The following ELP4 variants were observed in gnomAD, a reference collection of about 807,000 sequenced individuals.
ELP4 encodes elongator complex protein 4.
In ELP4, 51 loss-of-function variants were observed where a neutral mutation model predicts 48.9. The observed-to-expected ratio is 1.04, with a 90% CI of 0.83 to 1.32. ELP4 has a LOEUF of 1.32. ELP4 is among the 40% of genes most tolerant of loss of function. The pLI, the probability that ELP4 is intolerant of heterozygous loss-of-function variation, is 0.00. For missense variants in ELP4, 519 were observed against 514.6 expected, an observed-to-expected ratio of 1.01 and a Z score of -0.08; for synonymous variants, 210 against 189.2, an observed-to-expected ratio of 1.11 and a Z score of -0.90.
intron 2 of ELP4, 142 bp from the exon 3 acceptor site, chr11:31,539,520 A>G: frequency 2.9e-6 from 2 of 680,318 alleles, no homozygotes; most frequent in Admixed American, 3.3e-5. Flanking sequence ...TCTATGCCTC[A>G]GGAATACGCA....
At chr11:31,573,278 A>G (rs1354277822) in intron 3 of ELP4, among the ~76,000 whole-genome samples, 2 of 152,084 alleles carry the variant, frequency 1.3e-5, no homozygotes, top group African/African-American at 4.8e-5. Flanking sequence ...TCTTTAGCAT[A>G]TACCTCAAAA....
intron 3 of ELP4, among the ~76,000 whole-genome samples, chr11:31,564,836 C>CAT (rs1439704284): frequency 6.6e-6 from 1 of 151,870 alleles, no homozygotes; most frequent in East Asian, 1.9e-4. Flanking sequence ...CCACAATAAA[C>CAT]ATGTGTGCCT....
intron 9 of ELP4, among the ~76,000 whole-genome samples, chr11:31,702,298 G>A (rs11031453): frequency 0.62 from 92,014 of 148,482 alleles, 31,661 homozygotes; most frequent in Non-Finnish European, 0.76. Flanking sequence ...GCGAGATCTT[G>A]TCTCTAAAAA....
At chr11:31,584,718 T>C (rs1228813218) in intron 3 of ELP4, among the ~76,000 whole-genome samples, 4 of 152,086 alleles carry the variant, frequency 2.6e-5, no homozygotes, top group African/African-American at 7.2e-5. Context: ...AGAGACGGGG[T>C]TTCGCCGTGT....
chr11:31,523,024 ATT>A (rs1333354173), intron 2 of ELP4, among the ~76,000 whole-genome samples: 3 of 148,008 alleles, frequency 2.0e-5, no homozygotes, highest in African/African-American at 7.4e-5. Context: ...TGCCCTGCTA[ATT>A]TTTTATTTAT....
chr11:31,643,650 A>G (rs1323867357), intron 7 of ELP4, among the ~76,000 whole-genome samples: 1 of 151,876 alleles, frequency 6.6e-6, no homozygotes, highest in African/African-American at 2.4e-5. Context: ...AACAAAATTC[A>G]TAGTTTTGAC....
intron 2 of ELP4, among the ~76,000 whole-genome samples, chr11:31,522,859 CTTTT>C (rs1161716080): frequency 7.2e-6 from 1 of 138,014 alleles, no homozygotes; most frequent in Non-Finnish European, 1.6e-5. Flanking sequence ...AAGTTCTCCA[CTTTT>C]TTTTTTTTTT....
chr11:31,775,568 C>G (rs1220406648), intron 9 of ELP4, among the ~76,000 whole-genome samples: 2 of 152,186 alleles, frequency 1.3e-5, no homozygotes, highest in Non-Finnish European at 2.9e-5. Context: ...GACGTGGTAA[C>G]TGACGCCTGT....
chr11:31,654,642 G>A (rs887933403), intron 9 of ELP4: 12 of 151,736 alleles, frequency 7.9e-5, no homozygotes, highest in African/African-American at 2.9e-4. Flanking sequence ...TATTGGAAAA[G>A]CATAAACTCT....
chr11:31,527,827 T>G (rs1956322751), intron 2 of ELP4, among the ~76,000 whole-genome samples: 1 of 152,090 alleles, frequency 6.6e-6, no homozygotes, highest in African/African-American at 2.4e-5. Flanking sequence ...TAACATAAGA[T>G]CTAAGCTCCT....
chr11:31,707,039 C>T (rs1411276884), intron 9 of ELP4: 4 of 398,174 alleles, frequency 1.0e-5, no homozygotes, highest in Non-Finnish European at 1.8e-5. Flanking sequence ...CTGCAGTAGA[C>T]GTGGATGTCC....
intron 9 of ELP4, among the ~76,000 whole-genome samples, chr11:31,783,090 C>T (rs1238630733): frequency 6.6e-6 from 1 of 152,160 alleles, no homozygotes; most frequent in East Asian, 1.9e-4. Flanking sequence ...TATGTGTTTA[C>T]ATGTGTTCAC....
intron 2 of ELP4, among the ~76,000 whole-genome samples, chr11:31,521,500 T>C (rs1195731135): frequency 2.0e-5 from 3 of 152,126 alleles, no homozygotes; most frequent in Admixed American, 1.3e-4. Flanking sequence ...ATGTTTTGTT[T>C]AATAGCAATA....
chr11:31,752,919 C>T (rs1947758490), intron 9 of ELP4, among the ~76,000 whole-genome samples: 1 of 151,202 alleles, frequency 6.6e-6, no homozygotes, highest in African/African-American at 2.4e-5. Context: ...CAGAATTCAA[C>T]AAGGTTGCCA....
chr11:31,538,595 A>G (rs1015892341), intron 2 of ELP4, among the ~76,000 whole-genome samples: 2 of 151,222 alleles, frequency 1.3e-5, no homozygotes, highest in African/African-American at 4.8e-5. Context: ...TGATACCTAT[A>G]GGTTTTTTGT....
At position 31,709,263 on chromosome 11, in the gene ELP4, A is replaced by G. The variant is rs868723496; in HGVS notation, c.1143+59042A>G. On this transcript the variant is annotated intron_variant, in intron 9 of 9. Coordinates refer to ENST00000640961, the MANE Select transcript of ELP4 (RefSeq NM_019040.5). ...TAGGAACAAATTGATGATACGTCAT[A>G]TTACAAACTATAGATTTGAAATACT... Among the ~76,000 whole-genome samples, 3 of 152,302 alleles carry G rather than the reference A, an allele frequency of 2.0e-5. 1 individual carries two copies. Among genetic ancestry groups the G allele is most frequent in the African/African-American group, 4.8e-5 (2 of 41,584 alleles).
chr11:31,519,765 C>G (rs1346849114), intron 1 of ELP4, among the ~76,000 whole-genome samples: 2 of 149,682 alleles, frequency 1.3e-5, no homozygotes, highest in African/African-American at 2.5e-5. Flanking sequence ...GGGGAGGTTG[C>G]AGTGAGCTGA....
At chr11:31,754,743 G>A (rs1178213529) in intron 9 of ELP4, among the ~76,000 whole-genome samples, 1 of 152,060 alleles carries the variant, frequency 6.6e-6, no homozygotes, top group Non-Finnish European at 1.5e-5. Context: ...ATGGTGGCGG[G>A]CACCTGTAAT....
At chr11:31,764,655 G>T (rs960569947) in intron 9 of ELP4, among the ~76,000 whole-genome samples, 2 of 152,142 alleles carry the variant, frequency 1.3e-5, no homozygotes, top group African/African-American at 4.8e-5. Flanking sequence ...TATAAAAGAT[G>T]CTGCTTGAAA....
Sources: gnomAD v4.1 joint callset for allele counts (sites outside exome capture counted in the v4.1 genomes callset) on GRCh38, gnomAD v4.1.1 for gene constraint, MANE v1.5 for transcripts, NCBI Gene and HGNC (gene_info 2026-07-23, HGNC 2026-07-21) for gene names.